DNAH8: variants seen among roughly 807,000 people sequenced by gnomAD.
DNAH8 encodes the protein dynein axonemal heavy chain 8, also known as axonemal beta dynein heavy chain 8.
Under a neutral mutation model 562.1 loss-of-function variants are expected in DNAH8, and 382 were observed. That is an observed-to-expected ratio of 0.68 (90% confidence interval 0.63 to 0.74). The LOEUF (loss-of-function observed/expected upper bound fraction) is 0.74. DNAH8 is among the 30% of genes least tolerant of loss of function. The pLI is 0.00. For synonymous variants in DNAH8, 1,881 were observed against 1,919.4 expected (o/e 0.98, Z 0.52); for missense variants, 5,203 against 5,620.4 (o/e 0.93, Z 2.37).
chr6:39,023,694 C>G lies in DNAH8; in HGVS notation c.13715-2852C>G, dbSNP rs1293556397. On this transcript the variant is annotated intron_variant, in intron 91 of 92. Transcript: ENST00000327475. ...TTCATTTTTTAAATTCAATAATGAA[C>G]AGTTCATTGGATTTGCTACCCTTTG... Among the ~76,000 whole-genome samples the G allele has an allele frequency of 2.0e-5, 3 of 152,166 alleles. No individual in the cohort carries two copies. The East Asian group carries it at 5.8e-4, about 29-fold the overall frequency.
intron 24 of DNAH8, among the ~76,000 whole-genome samples, chr6:38,807,924 A>G (rs1034467679): frequency 6.6e-6 from 1 of 152,250 alleles, no homozygotes; most frequent in African/African-American, 2.4e-5. Context: ...AAAAAAGGCT[A>G]CCAGTCCCCT....
chr6:38,960,581 C>G (rs1334705612), intron 82 of DNAH8, among the ~76,000 whole-genome samples: 1 of 151,918 alleles, frequency 6.6e-6, no homozygotes, highest in Non-Finnish European at 1.5e-5. Flanking sequence ...GATATCATCT[C>G]ACCCCAATTT....
chr6:38,783,369 A>G (rs926093420), intron 17 of DNAH8, among the ~76,000 whole-genome samples: 2 of 152,206 alleles, frequency 1.3e-5, no homozygotes, highest in African/African-American at 4.8e-5. Context: ...AGGACTTTCT[A>G]CCAAAAACCA....
intron 88 of DNAH8, among the ~76,000 whole-genome samples, chr6:39,007,390 G>A (rs1171884080): frequency 9.2e-5 from 14 of 152,158 alleles, no homozygotes; most frequent in African/African-American, 2.9e-4. Context: ...ATCCCTTTTA[G>A]ATTTGCCTCT....
intron 8 of DNAH8, chr6:38,744,345 A>C (rs141235852): frequency 6.6e-6 from 1 of 152,178 alleles, no homozygotes; most frequent in African/African-American, 2.4e-5. Context: ...ATGCATAGCC[A>C]CTGCACTCCA....
intron 65 of DNAH8, 42 bp downstream of exon 65, chr6:38,909,786 C>G: frequency 6.8e-7 from 1 of 1,472,808 alleles, no homozygotes; most frequent in Non-Finnish European, 9.5e-7. Context: ...GGAACCACAG[C>G]ATGTATTCCC....
At position 38,951,520 on chromosome 6, in the gene DNAH8, G is replaced by A. The variant is rs1386680323; in HGVS notation, c.12451G>A (p.Glu4151Lys). ...IDALAKKLKL[E>K]CRTISMGQGQ... Reference sequence around the variant, plus strand: ...TGCATTGGCCAAGAAACTGAAACTGGGTAAGACTAGCAATCTACAAAATGT... The same window carrying A: ...TGCATTGGCCAAGAAACTGAAACTGAGTAAGACTAGCAATCTACAAAATGT... The change falls in exon 82 of 93, where the codon GAA becomes AAA. Residue 4151 changes from glutamate (E) to lysine (K), a missense_variant and splice_region_variant. Transcript: ENST00000327475. 5 of 1,611,700 alleles carry A rather than the reference G, an allele frequency of 3.1e-6. No individual in the cohort carries two copies. Among genetic ancestry groups the A allele is most frequent in the Non-Finnish European group, 4.2e-6 (5 of 1,178,800 alleles).
In DNAH8 at chr6:38,769,374, C is replaced by G. The variant is rs73734453; in HGVS notation, c.1618-1039C>G. ...TCTAATGCTATCCCTCCCCTAGCCT[C>G]CCAAGCCAGCTCATTTTTGTTGAAT... On this transcript the variant is annotated intron_variant, in intron 11 of 92. Transcript: ENST00000327475. Among the ~76,000 whole-genome samples, 1,459 of 152,272 alleles carry G rather than the reference C, an allele frequency of 9.6e-3. 18 individuals carry two copies. The highest frequency in any genetic ancestry group is 0.033 in the African/African-American group (1,369 of 41,562).
At position 38,805,518 on chromosome 6, in the gene DNAH8, A is replaced by G; in HGVS notation, c.3072A>G (p.Gly1024=). The G allele has an allele frequency of 6.2e-7, 1 of 1,610,248 alleles. No individual in the cohort carries two copies. Among genetic ancestry groups the G allele is most frequent in the South Asian group, 1.1e-5 (1 of 90,958 alleles). The part of the protein sequence containing the change: ...RKHVVFGSET[G]EGENNDYEAN... ...ACGTTGTTTTTGGAAGTGAAACAGG[A>G]GAGGGTGAAAACAATGACTATGAAG... The change falls in exon 23 of 93, where the codon GGA becomes GGG. Residue 1024 remains glycine (G), a synonymous_variant. Transcript: ENST00000327475.
intron 7 of DNAH8, among the ~76,000 whole-genome samples, chr6:38,740,403 G>A (rs962100122): frequency 6.6e-6 from 1 of 152,068 alleles, no homozygotes; most frequent in African/African-American, 2.4e-5. Flanking sequence ...TCTCCAAAAA[G>A]GTTTTGCATA....
rs1773073608 is a variant in DNAH8 at position 38,823,687 on chromosome 6, A to T, written c.3846A>T (p.Thr1282=). ...IIVVGALELH[T]EPMKLALSIE... Reference sequence around the variant, plus strand: ...TTGTAGGAGCACTTGAATTACATACAGGTATTTTAAAAATGTTTATTATGT... The same window carrying T: ...TTGTAGGAGCACTTGAATTACATACTGGTATTTTAAAAATGTTTATTATGT... The change falls in exon 28 of 93, where the codon ACA becomes ACT. Residue 1282 remains threonine, a splice_region_variant and synonymous_variant. Coordinates refer to ENST00000327475, the MANE Select transcript of DNAH8 (RefSeq NM_001206927.2). 1 of 1,588,990 alleles carries T rather than the reference A, an allele frequency of 6.3e-7. No homozygotes were observed. The highest frequency in any genetic ancestry group is 1.1e-5 in the South Asian group (1 of 88,320).
In DNAH8 at chr6:38,778,456, A is replaced by G. The variant is rs1385926341; in HGVS notation, c.2031A>G (p.Leu677=). ...KILSSQQALQ[L]LQRFQKLNIP... ...TATCTTCTCAGCAGGCTCTTCAGCT[A>G]CTTCAAAGGTATTCATAACACTTTA... Residue 677 remains leucine, a synonymous_variant, in exon 14 of 93, where the codon CTA becomes CTG. Transcript: ENST00000327475. 2 of 1,585,154 alleles carry G rather than the reference A, an allele frequency of 1.3e-6. No homozygotes were observed. Among genetic ancestry groups the G allele is most frequent in the Admixed American group, 1.7e-5 (1 of 59,330 alleles).
chr6:38,914,702 T>A (rs1042435439), intron 67 of DNAH8, among the ~76,000 whole-genome samples: 1 of 152,100 alleles, frequency 6.6e-6, no homozygotes, highest in Non-Finnish European at 1.5e-5. Flanking sequence ...GACTTTCAGC[T>A]TCCAGTCACC....
intron 42 of DNAH8, among the ~76,000 whole-genome samples, chr6:38,860,155 T>G (rs1409038713): frequency 6.6e-6 from 1 of 152,106 alleles, no homozygotes; most frequent in Non-Finnish European, 1.5e-5. Context: ...TATCCTGGAG[T>G]AGTTAGGTCC....
At chr6:38,889,550 T>G (rs1319439709) in intron 57 of DNAH8, among the ~76,000 whole-genome samples, 1 of 152,202 alleles carries the variant, frequency 6.6e-6, no homozygotes, top group Non-Finnish European at 1.5e-5. Context: ...TCAGTATGAC[T>G]GACACATTTA....
rs1406296983 is a variant in DNAH8, at chr6:38,827,730, AAACTTTTTT to A, written c.4084-453_4084-445del. ...GACTGCAAAAGCTTAATTCTTTACCAAACTTTTTTTTTTTTTTTTTTTTTTTTTTTTTTT... is the reference window on the plus strand; with the variant it reads ...GACTGCAAAAGCTTAATTCTTTACCATTTTTTTTTTTTTTTTTTTTTTTTT... On this transcript the variant is annotated intron_variant, in intron 29 of 92. Coordinates refer to ENST00000327475, the MANE Select transcript of DNAH8 (RefSeq NM_001206927.2). Among the ~76,000 whole-genome samples, 17 of 45,636 alleles carry A rather than the reference AAACTTTTTT, an allele frequency of 3.7e-4. 4 individuals carry two copies. The highest frequency in any genetic ancestry group is 1.6e-3 in the Admixed American group (6 of 3,746). 29.9% of individuals were successfully genotyped at this position (45,636 alleles called of 152,430 possible).
At chr6:38,941,967 GC>G (rs1276872369) in intron 79 of DNAH8, among the ~76,000 whole-genome samples, 1 of 152,106 alleles carries the variant, frequency 6.6e-6, no homozygotes, top group Non-Finnish European at 1.5e-5. Flanking sequence ...TGAGGGTAGA[GC>G]TCTCGTGAAT....
intron 77 of DNAH8, among the ~76,000 whole-genome samples, chr6:38,937,089 C>T (rs1344280094): frequency 3.3e-5 from 5 of 151,962 alleles, no homozygotes; most frequent in Non-Finnish European, 1.5e-5. Flanking sequence ...TCATTCTCAG[C>T]AAAGTAATAT....
At chr6:39,024,429 G>A (rs1236874196) in intron 91 of DNAH8, among the ~76,000 whole-genome samples, 5 of 152,190 alleles carry the variant, frequency 3.3e-5, no homozygotes, top group South Asian at 2.1e-4. Context: ...TTTTCATGGA[G>A]TGCCTTAGAA....
Sources: allele counts gnomAD v4.1 joint callset (sites outside exome capture counted in the v4.1 genomes callset), GRCh38; gene constraint gnomAD v4.1.1; transcripts MANE v1.5; gene names NCBI Gene and HGNC (gene_info 2026-07-23, HGNC 2026-07-21).